TTLL11: variants seen among roughly 807,000 people sequenced by gnomAD.
TTLL11 encodes the protein tubulin tyrosine ligase like 11, also known as tubulin polyglutamylase TTLL11.
In TTLL11, 42 loss-of-function variants were observed where a neutral mutation model predicts 51.7. The observed-to-expected ratio is 0.81, with a 90% CI of 0.64 to 1.05. TTLL11 has a LOEUF of 1.05. Among genes scored for constraint, TTLL11 ranks in the 50% least tolerant of loss-of-function variants. The pLI is 0.00. For synonymous variants in TTLL11, 381 were observed against 383.5 expected, an observed-to-expected ratio of 0.99 and a Z score of 0.08; for missense variants, 799 against 940.4, an observed-to-expected ratio of 0.85 and a Z score of 1.97.
intron 6 of TTLL11, among the ~76,000 whole-genome samples, chr9:121,903,775 GC>G (rs1319098988): frequency 6.6e-6 from 1 of 152,186 alleles, no homozygotes; most frequent in African/African-American, 2.4e-5. Flanking sequence ...CTCTGGTTCT[GC>G]CACGTCTATA....
intron 6 of TTLL11, among the ~76,000 whole-genome samples, chr9:121,929,904 A>G (rs7048622): frequency 0.077 from 11,739 of 152,304 alleles, 658 homozygotes; most frequent in African/African-American, 0.16. Flanking sequence ...AGGAAGAACC[A>G]AACTCACCAA....
At chr9:122,078,114 G>A (rs1245202103) in intron 1 of TTLL11, among the ~76,000 whole-genome samples, 2 of 151,198 alleles carry the variant, frequency 1.3e-5, no homozygotes, top group African/African-American at 2.5e-5. Context: ...TTGTAGTCTT[G>A]AGTGCTTTTA....
chr9:121,833,992 CTT>C, intron 8 of TTLL11, among the ~76,000 whole-genome samples: 1 of 152,154 alleles, frequency 6.6e-6, no homozygotes, highest in Non-Finnish European at 1.5e-5. Context: ...ATGTTTCTGT[CTT>C]ATCGTACAAT....
chr9:121,830,267 C>A (rs1011506264), intron 8 of TTLL11, among the ~76,000 whole-genome samples: 3 of 152,200 alleles, frequency 2.0e-5, no homozygotes, highest in Non-Finnish European at 4.4e-5. Context: ...CAGAGGCTCT[C>A]GAACTTTCGA....
intron 6 of TTLL11, among the ~76,000 whole-genome samples, chr9:121,888,086 T>C (rs995533877): frequency 6.6e-6 from 1 of 152,210 alleles, no homozygotes; most frequent in Admixed American, 6.5e-5. Context: ...TTCCTGGCTC[T>C]ATCCCCCTCC....
intron 6 of TTLL11, among the ~76,000 whole-genome samples, chr9:121,895,529 GTGAC>G (rs1223105614): frequency 2.0e-5 from 3 of 151,252 alleles, no homozygotes; most frequent in Non-Finnish European, 2.9e-5. Context: ...GACTGTGACT[GTGAC>G]TGTGTGTTTC....
At chr9:121,847,587 T>A (rs1055419200) in intron 8 of TTLL11, among the ~76,000 whole-genome samples, 1 of 152,230 alleles carries the variant, frequency 6.6e-6, no homozygotes, top group African/African-American at 2.4e-5. Context: ...AAATAATTTA[T>A]GAAAACTCAC....
intron 3 of TTLL11, among the ~76,000 whole-genome samples, chr9:121,993,405 T>C (rs1039602701): frequency 6.6e-6 from 1 of 152,242 alleles, no homozygotes; most frequent in Non-Finnish European, 1.5e-5. Flanking sequence ...ATCTGGATTT[T>C]AGTCCCAATT....
intron 3 of TTLL11, among the ~76,000 whole-genome samples, chr9:121,998,047 G>C (rs772038665): frequency 1.3e-5 from 2 of 152,278 alleles, no homozygotes; most frequent in East Asian, 3.9e-4. Flanking sequence ...ACACTCCACT[G>C]CTGAGTAAGC....
chr9:122,045,414 G>A (rs867374685), intron 1 of TTLL11, among the ~76,000 whole-genome samples: 1 of 152,060 alleles, frequency 6.6e-6, no homozygotes, highest in Non-Finnish European at 1.5e-5. Flanking sequence ...TTAGCCGGGC[G>A]TCGTGGCGCG....
At chr9:121,844,504 T>C (rs918361436) in intron 8 of TTLL11, among the ~76,000 whole-genome samples, 3 of 152,048 alleles carry the variant, frequency 2.0e-5, no homozygotes, top group Non-Finnish European at 4.4e-5. Context: ...CAGGAAAATA[T>C]ACAGTGCAAA....
At chr9:121,951,281 TC>T (rs1841845195) in intron 6 of TTLL11, among the ~76,000 whole-genome samples, 1 of 152,182 alleles carries the variant, frequency 6.6e-6, no homozygotes, top group Non-Finnish European at 1.5e-5. Context: ...ATTTCTTCTT[TC>T]CTCCTGGCTT....
intron 8 of TTLL11, among the ~76,000 whole-genome samples, chr9:121,845,058 T>C (rs1054994502): frequency 1.3e-5 from 2 of 152,024 alleles, no homozygotes; most frequent in African/African-American, 4.8e-5. Flanking sequence ...AATCTACACC[T>C]AGAGAAAATC....
chr9:121,892,589 T>G (rs563860253), intron 6 of TTLL11, among the ~76,000 whole-genome samples: 4 of 152,178 alleles, frequency 2.6e-5, no homozygotes, highest in African/African-American at 4.8e-5. Context: ...GGAGCTACAA[T>G]TCAAGATGAG....
chr9:121,861,456 G>A (rs1588077000), intron 7 of TTLL11, among the ~76,000 whole-genome samples: 1 of 152,264 alleles, frequency 6.6e-6, no homozygotes, highest in East Asian at 1.9e-4. Flanking sequence ...TCACCTTTCT[G>A]AGTCTCGGTG....
At chr9:121,840,665 G>A (rs1352961159) in intron 8 of TTLL11, among the ~76,000 whole-genome samples, 1 of 152,154 alleles carries the variant, frequency 6.6e-6, no homozygotes, top group Non-Finnish European at 1.5e-5. Flanking sequence ...CAAAGTGCTG[G>A]GATTACAGGC....
At chr9:121,960,899 C>A (rs190165099) in intron 6 of TTLL11, among the ~76,000 whole-genome samples, 1 of 152,266 alleles carries the variant, frequency 6.6e-6, no homozygotes, top group Admixed American at 6.5e-5. Flanking sequence ...TCCTCCTGCT[C>A]TGAACCGCTC....
At chr9:121,952,217 T>C (rs1841872143) in intron 6 of TTLL11, among the ~76,000 whole-genome samples, 1 of 151,970 alleles carries the variant, frequency 6.6e-6, no homozygotes. Flanking sequence ...GAGGCCGAGC[T>C]GGGCAGATCA....
chr9:122,084,334 T>C (rs922403930), intron 1 of TTLL11, among the ~76,000 whole-genome samples: 4 of 152,056 alleles, frequency 2.6e-5, no homozygotes, highest in Admixed American at 6.6e-5. Context: ...ATAAAGCATT[T>C]ATAAAAATTA....
Sources: allele counts gnomAD v4.1 joint callset (sites outside exome capture counted in the v4.1 genomes callset), GRCh38; gene constraint gnomAD v4.1.1; transcripts MANE v1.5; gene names NCBI Gene and HGNC (gene_info 2026-07-23, HGNC 2026-07-21).